ROR1: variants seen among roughly 807,000 people sequenced by gnomAD.
ROR1 encodes inactive tyrosine-protein kinase transmembrane receptor ROR1.
ROR1 carries 19 observed loss-of-function variants against 78.8 expected under a neutral mutation model. That is an observed-to-expected ratio of 0.24 (90% CI 0.17 to 0.35). The LOEUF is 0.35. Among genes scored for constraint, ROR1 ranks in the 10% least tolerant of loss-of-function variants. The pLI is 1.00. For synonymous variants in ROR1, 386 were observed against 433.6 expected, an observed-to-expected ratio of 0.89 and a Z score of 1.36; for missense variants, 917 against 1,177.8, an observed-to-expected ratio of 0.78 and a Z score of 3.24.
chr1:64,000,083 GA>G (rs1322729595), intron 1 of ROR1, among the ~76,000 whole-genome samples: 13 of 152,116 alleles, frequency 8.5e-5, no homozygotes, highest in Middle Eastern at 3.2e-3. Context: ...ATACAAAGGG[GA>G]AAATGAAATG....
At chr1:63,787,694 T>C (rs1309663693) in intron 1 of ROR1, among the ~76,000 whole-genome samples, 1 of 152,152 alleles carries the variant, frequency 6.6e-6, no homozygotes, top group Non-Finnish European at 1.5e-5. Flanking sequence ...GCTTGCCTAA[T>C]TTTTGTATAT....
chr1:63,879,342 C>T (rs537864938), intron 1 of ROR1, among the ~76,000 whole-genome samples: 7 of 152,016 alleles, frequency 4.6e-5, no homozygotes, highest in Admixed American at 4.6e-4. Context: ...TGTAGTTTGC[C>T]GAAGGGACAG....
chr1:63,835,032 C>T (rs1175215654), intron 1 of ROR1, among the ~76,000 whole-genome samples: 1 of 152,040 alleles, frequency 6.6e-6, no homozygotes, highest in Non-Finnish European at 1.5e-5. Flanking sequence ...CTGTTGCTGC[C>T]TCCTCCATCC....
intron 1 of ROR1, among the ~76,000 whole-genome samples, chr1:63,946,618 A>T (rs983534084): frequency 1.5e-4 from 23 of 152,240 alleles, no homozygotes; most frequent in Non-Finnish European, 2.1e-4. Flanking sequence ...TTTCCACTAT[A>T]TAAAGGAAGT....
At chr1:64,148,936 C>G (rs1257383787) in intron 7 of ROR1, among the ~76,000 whole-genome samples, 1 of 152,162 alleles carries the variant, frequency 6.6e-6, no homozygotes, top group Non-Finnish European at 1.5e-5. Context: ...TGAGCTTCTA[C>G]TGTGTCTCAG....
At chr1:63,792,873 T>TG (rs1240210231) in intron 1 of ROR1, among the ~76,000 whole-genome samples, 2 of 152,246 alleles carry the variant, frequency 1.3e-5, no homozygotes, top group Non-Finnish European at 2.9e-5. Flanking sequence ...TTAAGTATTT[T>TG]GCTGAAAGAT....
At chr1:63,829,860 GC>G (rs1163260297) in intron 1 of ROR1, among the ~76,000 whole-genome samples, 1 of 152,148 alleles carries the variant, frequency 6.6e-6, no homozygotes, top group Non-Finnish European at 1.5e-5. Flanking sequence ...GAGTAAGACA[GC>G]TTATTTCCTC....
intron 2 of ROR1, among the ~76,000 whole-genome samples, chr1:64,047,793 C>A (rs1646796600): frequency 6.6e-6 from 1 of 152,110 alleles, no homozygotes; most frequent in Non-Finnish European, 1.5e-5. Flanking sequence ...GAGAAACATG[C>A]CCAAAGATAG....
intron 1 of ROR1, among the ~76,000 whole-genome samples, chr1:63,816,516 C>G (rs565505023): frequency 6.6e-6 from 1 of 152,128 alleles, no homozygotes; most frequent in East Asian, 1.9e-4. Context: ...TGAGGCCTCC[C>G]CAGCCATTTG....
chr1:63,900,157 T>C (rs999891575), intron 1 of ROR1, among the ~76,000 whole-genome samples: 4 of 152,156 alleles, frequency 2.6e-5, no homozygotes, highest in Admixed American at 6.5e-5. Flanking sequence ...CTTAACATTA[T>C]AGAAAGGAAA....
intron 1 of ROR1, among the ~76,000 whole-genome samples, chr1:63,957,745 G>GTT (rs111859772): frequency 1.4e-4 from 19 of 136,558 alleles, no homozygotes; most frequent in East Asian, 2.1e-4. Flanking sequence ...TTTGTTTTTT[G>GTT]TTTTTTTTTT....
chr1:64,048,310 T>A (rs1646799727), intron 2 of ROR1, among the ~76,000 whole-genome samples: 1 of 152,240 alleles, frequency 6.6e-6, no homozygotes, highest in African/African-American at 2.4e-5. Flanking sequence ...GTGTGACTAG[T>A]GGCTATCAAT....
intron 1 of ROR1, among the ~76,000 whole-genome samples, chr1:63,871,992 C>T (rs17125694): frequency 0.055 from 8,407 of 152,236 alleles, 583 homozygotes; most frequent in African/African-American, 0.15. Flanking sequence ...TGAGATTTAA[C>T]GCCAATCTTA....
At chr1:63,803,136 G>T (rs1231601324) in intron 1 of ROR1, among the ~76,000 whole-genome samples, 1 of 152,108 alleles carries the variant, frequency 6.6e-6, no homozygotes, top group East Asian at 1.9e-4. Context: ...ACTTTAAGAA[G>T]AATATTGTAA....
At chr1:64,069,614 G>A (rs886427280) in intron 4 of ROR1, among the ~76,000 whole-genome samples, 6 of 152,030 alleles carry the variant, frequency 3.9e-5, no homozygotes, top group Admixed American at 6.6e-5. Context: ...GAAACACCAC[G>A]AAGTTGCAAA....
At chr1:64,146,536 A>G (rs1323848039) in intron 7 of ROR1, among the ~76,000 whole-genome samples, 1 of 152,196 alleles carries the variant, frequency 6.6e-6, no homozygotes, top group Admixed American at 6.5e-5. Context: ...GGTAAACACT[A>G]TTGTTCTTTG....
chr1:64,029,679 T>A (rs1646644153), intron 2 of ROR1, among the ~76,000 whole-genome samples: 1 of 152,110 alleles, frequency 6.6e-6, no homozygotes, highest in Non-Finnish European at 1.5e-5. Flanking sequence ...GTCCTTATAT[T>A]TTTATGAGGC....
rs1025190844 is a variant in ROR1 at position 63,829,003 on chromosome 1, A to G, written c.91+54495A>G. Among the ~76,000 whole-genome samples, 3 of 152,202 alleles carry G rather than the reference A, an allele frequency of 2.0e-5. No homozygotes were observed. The South Asian group carries it at 6.2e-4, about 32-fold the overall frequency. On this transcript the variant is annotated intron_variant, in intron 1 of 8. Coordinates refer to ENST00000371079, the MANE Select transcript of ROR1 (RefSeq NM_005012.4). ...TATCATCGCCATCTGATAAACTGAT[A>G]TATTGATGTACTGATATATTGACTT... is the stretch of plus-strand genomic sequence containing the variant.
At chr1:63,854,635 T>C (rs896407167) in intron 1 of ROR1, among the ~76,000 whole-genome samples, 1 of 152,248 alleles carries the variant, frequency 6.6e-6, no homozygotes, top group Non-Finnish European at 1.5e-5. Context: ...TTACCTCTTC[T>C]GGATTCTAAA....
Sources: allele counts gnomAD v4.1 joint callset (sites outside exome capture counted in the v4.1 genomes callset), GRCh38; gene constraint gnomAD v4.1.1; transcripts MANE v1.5; gene names NCBI Gene and HGNC (gene_info 2026-07-23, HGNC 2026-07-21).